The following PJA2 variants were observed in gnomAD, a reference collection of about 807,000 sequenced individuals.
PJA2 encodes the protein E3 ubiquitin-protein ligase Praja-2.
Under a neutral mutation model 69.3 loss-of-function variants are expected in PJA2, and 25 were observed. The observed-to-expected ratio is 0.36, with a 90% CI of 0.26 to 0.50. The LOEUF is 0.50. Ranked by LOEUF, PJA2 falls within the 20% of genes least tolerant of loss-of-function variation. The pLI is 0.96. For synonymous variants in PJA2, 308 were observed against 277.8 expected, an observed-to-expected ratio of 1.11 and a Z score of -1.08; for missense variants, 809 against 830.2, an observed-to-expected ratio of 0.97 and a Z score of 0.31.
At chr5:109,362,776 T>G in intron 6 of PJA2, 64 bp downstream of exon 6, 1 of 1,422,584 alleles carries the variant, frequency 7.0e-7, no homozygotes, top group Non-Finnish European at 9.5e-7. Context: ...AGATTTAATT[T>G]TCATAAATTA....
chr5:109,406,779 G>C (rs960445880), intron 1 of PJA2, among the ~76,000 whole-genome samples: 1 of 152,156 alleles, frequency 6.6e-6, no homozygotes, highest in African/African-American at 2.4e-5. Context: ...CCCCAAACTG[G>C]AAACAATCCA....
chr5:109,356,410 C>A (rs1762413549), intron 6 of PJA2, among the ~76,000 whole-genome samples: 1 of 152,144 alleles, frequency 6.6e-6, no homozygotes, highest in Admixed American at 6.6e-5. Context: ...ATCATACTGG[C>A]ACTCAAAAAG....
chr5:109,338,265 G>C (rs1761980868), intron 9 of PJA2, among the ~76,000 whole-genome samples: 1 of 152,174 alleles, frequency 6.6e-6, no homozygotes, highest in African/African-American at 2.4e-5. Flanking sequence ...GAGAAAGACT[G>C]AAGAGACTGT....
intron 7 of PJA2, among the ~76,000 whole-genome samples, chr5:109,350,173 A>C (rs1428929): frequency 6.6e-6 from 1 of 151,930 alleles, no homozygotes; most frequent in African/African-American, 2.4e-5. Flanking sequence ...TCATATATGT[A>C]AAAATAATTT....
At chr5:109,383,329 T>C (rs1747092183) in intron 2 of PJA2, 74 bp downstream of exon 2, 1 of 1,311,658 alleles carries the variant, frequency 7.6e-7, no homozygotes, top group Non-Finnish European at 1.1e-6. Context: ...TGATCATATG[T>C]CACTTACTGG....
At chr5:109,402,976 T>C (rs1481957846) in intron 1 of PJA2, among the ~76,000 whole-genome samples, 1 of 151,978 alleles carries the variant, frequency 6.6e-6, no homozygotes, top group Non-Finnish European at 1.5e-5. Context: ...AGCTTACACC[T>C]TAATAAATTA....
chr5:109,376,135 A>G (rs1746879614), intron 4 of PJA2, among the ~76,000 whole-genome samples: 1 of 152,104 alleles, frequency 6.6e-6, no homozygotes, highest in African/African-American at 2.4e-5. Context: ...CAATGATCCT[A>G]AAGTAGTTCC....
chr5:109,395,756 T>C (rs1033442940), intron 1 of PJA2, among the ~76,000 whole-genome samples: 10 of 152,012 alleles, frequency 6.6e-5, no homozygotes, highest in African/African-American at 2.4e-4. Context: ...CCCAGCACTT[T>C]GGGAGGCCGA....
In PJA2 at chr5:109,379,192, C is replaced by T. The variant is rs1746980160; in HGVS notation, c.295G>A (p.Glu99Lys). Reference protein sequence around the residue: ...LPSEPIFEKSETEIPTCGSAL... With the variant: ...LPSEPIFEKSKTEIPTCGSAL... ...GAACCACAAGTGGGAATTTCTGTTT[C>T]ACTTTTTTCAAATATAGGTTCACTG... The change falls in exon 4 of 10, where the codon GAA (glutamate) becomes AAA (lysine). Residue 99 changes from glutamate (E) to lysine (K), a missense_variant. By Grantham distance (56) the Glu-to-Lys change is moderately conservative. Transcript: ENST00000361189. 1 of 1,613,990 alleles carries T rather than the reference C, an allele frequency of 6.2e-7. No homozygotes were observed. The highest frequency in any genetic ancestry group is 1.1e-5 in the South Asian group (1 of 91,072).
Position 109,378,384 on chromosome 5 carries a change from T to C in PJA2, c.1103A>G (p.Asp368Gly), listed in dbSNP as rs747828616. ...DDLLIKCEEY[D>G]GEHDCMFLDP... The stretch of plus-strand genomic sequence containing the variant: ...CAAGAACATACAGTCATGCTCTCCA[T>C]CATATTCTTCACATTTTATTAAGAG... The change falls in exon 4 of 10, where the codon GAT (aspartate) becomes GGT (glycine). Residue 368 changes from aspartate (D) to glycine (G), a missense_variant. This residue lies in a region of PJA2 where 700 missense variants were observed against 639.5 expected (regional missense o/e 1.09). Transcript: ENST00000361189. 6 of 1,614,062 alleles carry C rather than the reference T, an allele frequency of 3.7e-6. No homozygotes were observed. The African/African-American group carries it at 5.3e-5, about 14-fold the overall frequency.
intron 7 of PJA2, among the ~76,000 whole-genome samples, chr5:109,354,903 G>A (rs1387709432): frequency 6.6e-6 from 1 of 151,724 alleles, no homozygotes; most frequent in Non-Finnish European, 1.5e-5. Context: ...CTGCTTCAGG[G>A]CAGGAGTTTG....
At chr5:109,355,241 C>T (rs1225423309) in intron 7 of PJA2, among the ~76,000 whole-genome samples, 5 of 152,140 alleles carry the variant, frequency 3.3e-5, no homozygotes. Context: ...GTGGCTCATT[C>T]ACCAGTCATT....
At chr5:109,353,755 A>G (rs573035024) in intron 7 of PJA2, among the ~76,000 whole-genome samples, 2 of 118,676 alleles carry the variant, frequency 1.7e-5, no homozygotes, top group East Asian at 5.0e-4. Flanking sequence ...TTAGATATCT[A>G]TGATATCTAG....
chr5:109,338,498 A>G (rs1761984794), intron 9 of PJA2, among the ~76,000 whole-genome samples: 1 of 151,838 alleles, frequency 6.6e-6, no homozygotes, highest in Non-Finnish European at 1.5e-5. Flanking sequence ...AAATTAGCTG[A>G]GCGTTGCAGC....
At chr5:109,372,493 A>G (rs1464906005) in intron 4 of PJA2, among the ~76,000 whole-genome samples, 1 of 152,246 alleles carries the variant, frequency 6.6e-6, no homozygotes, top group Non-Finnish European at 1.5e-5. Context: ...GCAGCTCACT[A>G]CAACACAGCT....
At chr5:109,388,135 CT>C (rs1747200593) in intron 1 of PJA2, among the ~76,000 whole-genome samples, 1 of 152,098 alleles carries the variant, frequency 6.6e-6, no homozygotes. Context: ...AGGATTGTGG[CT>C]TCCTTAATTT....
At position 109,400,945 on chromosome 5, in the gene PJA2, T is replaced by C. The variant is rs149678518; in HGVS notation, c.-88+8897A>G. Among the ~76,000 whole-genome samples, 976 of 152,198 alleles carry C rather than the reference T, an allele frequency of 6.4e-3. 8 individuals carry two copies. Among genetic ancestry groups the C allele is most frequent in the African/African-American group, 0.022 (923 of 41,516 alleles). On this transcript the variant is annotated intron_variant, in intron 1 of 9. Coordinates refer to ENST00000361189, the MANE Select transcript of PJA2 (RefSeq NM_014819.5). ...TTGCAGTGAGCCGAGATGGCGCCAC[T>C]GCACTCCAGCCTGGGAGACAAAGCA...
intron 2 of PJA2, among the ~76,000 whole-genome samples, chr5:109,382,973 G>A (rs1280289274): frequency 6.6e-6 from 1 of 151,852 alleles, no homozygotes; most frequent in African/African-American, 2.4e-5. Context: ...TATAATACAC[G>A]CACATATCGA....
intron 9 of PJA2, among the ~76,000 whole-genome samples, chr5:109,342,316 G>A (rs1290547944): frequency 5.4e-3 from 634 of 117,282 alleles, no homozygotes; most frequent in African/African-American, 0.021. Context: ...CGCCCTGTCC[G>A]GGAGGGAGGT....
Sources: allele counts gnomAD v4.1 joint callset (sites outside exome capture counted in the v4.1 genomes callset), GRCh38; gene constraint gnomAD v4.1.1; regional missense constraint gnomAD v4.1.1; transcripts MANE v1.5; gene names NCBI Gene and HGNC (gene_info 2026-07-23, HGNC 2026-07-21).